The following WDR25 variants were observed in gnomAD, a reference collection of about 807,000 sequenced individuals.
WDR25 encodes WD repeat domain 25, also known as WD repeat-containing protein 25.
WDR25 carries 35 observed loss-of-function variants against 47.7 expected under a neutral mutation model. That is an observed-to-expected ratio of 0.73 (90% CI 0.56 to 0.97). The LOEUF (loss-of-function observed/expected upper bound fraction) is 0.97. Ranked by LOEUF, WDR25 falls within the 50% of genes least tolerant of loss-of-function variation. WDR25 has a pLI of 0.00. For missense variants in WDR25, 634 were observed against 704.7 expected, an observed-to-expected ratio of 0.90 and a Z score of 1.14; for synonymous variants, 248 against 278.9, an observed-to-expected ratio of 0.89 and a Z score of 1.10.
At chr14:100,441,205 A>G (rs1158235499) in intron 2 of WDR25, among the ~76,000 whole-genome samples, 1 of 152,164 alleles carries the variant, frequency 6.6e-6, no homozygotes, top group Non-Finnish European at 1.5e-5. Flanking sequence ...TTTACCACAC[A>G]GTCATCAAAC....
chr14:100,476,674 C>T (rs947683081), intron 3 of WDR25: 7 of 152,388 alleles, frequency 4.6e-5, no homozygotes, highest in South Asian at 2.1e-4. Flanking sequence ...TCTCTCACCT[C>T]GCTGAGCTTC....
At chr14:100,514,423 T>A (rs1366635330) in intron 4 of WDR25, among the ~76,000 whole-genome samples, 1 of 148,408 alleles carries the variant, frequency 6.7e-6, no homozygotes, top group Admixed American at 6.8e-5. Context: ...TACCTTGCTA[T>A]TTTTTTTTAT....
At chr14:100,453,931 T>C (rs532774604) in intron 2 of WDR25, among the ~76,000 whole-genome samples, 2 of 152,278 alleles carry the variant, frequency 1.3e-5, no homozygotes, top group Admixed American at 6.5e-5. Context: ...GAATTCTCTG[T>C]ATAATGAATG....
At chr14:100,413,355 C>T (rs551486521) in intron 2 of WDR25, among the ~76,000 whole-genome samples, 72 of 152,242 alleles carry the variant, frequency 4.7e-4, no homozygotes, top group African/African-American at 1.7e-3. Context: ...CCCCAGGCAG[C>T]CACAGATCTG....
chr14:100,498,079 A>C lies in WDR25; in HGVS notation c.1101+13955A>C, dbSNP rs112916228. ...TGTATGACTTTAGGAAAGTTTGTGC[A>C]ATTCAATTTGTGCCCCAACAAATAG... On this transcript the variant is annotated intron_variant, in intron 4 of 6. Coordinates refer to ENST00000402312, the MANE Select transcript of WDR25 (RefSeq NM_001161476.3). The surrounding 1 kb of genome is among the most constrained non-coding windows in gnomAD (Gnocchi z 4.2). Among the ~76,000 whole-genome samples, 4 of 152,226 alleles carry C rather than the reference A, an allele frequency of 2.6e-5. No individual in the cohort carries two copies.
At chr14:100,494,724 G>A (rs549118781) in intron 4 of WDR25, among the ~76,000 whole-genome samples, 1 of 152,330 alleles carries the variant, frequency 6.6e-6, no homozygotes, top group East Asian at 1.9e-4. Context: ...CACATAGAAG[G>A]CTAGAGGGGA....
At chr14:100,416,412 A>G (rs1276037838) in intron 2 of WDR25, among the ~76,000 whole-genome samples, 3 of 152,138 alleles carry the variant, frequency 2.0e-5, no homozygotes, top group African/African-American at 7.2e-5. Flanking sequence ...TGCAGCCCAA[A>G]CAGTACGGGA....
chr14:100,499,813 C>T lies in WDR25; in HGVS notation c.1101+15689C>T, dbSNP rs964925688. 2.6e-5 allele frequency among the ~76,000 whole-genome samples: 4 copies of T among 152,158 alleles called. No individual in the cohort carries two copies. The highest frequency in any genetic ancestry group is 9.7e-5 in the African/African-American group (4 of 41,426). ...GTGAAGTTCGCTGTGTTCTGCTTTG[C>T]TCCCAGTCCTTGCTAATCAGCCCAG... On this transcript the variant is annotated intron_variant, in intron 4 of 6. Coordinates refer to ENST00000402312, the MANE Select transcript of WDR25 (RefSeq NM_001161476.3). This position sits in a 1 kb window ranked among gnomAD's most constrained non-coding sequence, Gnocchi z 4.4.
At chr14:100,397,504 A>G (rs1276540338) in intron 2 of WDR25, among the ~76,000 whole-genome samples, 1 of 152,212 alleles carries the variant, frequency 6.6e-6, no homozygotes, top group Non-Finnish European at 1.5e-5. Flanking sequence ...AGAGATGAAT[A>G]TAGCCTTTCT....
At position 100,468,575 on chromosome 14, in the gene WDR25, A is replaced by G; in HGVS notation, c.970+407A>G. ...AGTCTGTGAGAAATGATTCCAGCTC[A>G]TAAGGAAAGTCTTCAAACGAGTTCT... On this transcript the variant is annotated intron_variant, in intron 3 of 6. Coordinates refer to ENST00000402312, the MANE Select transcript of WDR25 (RefSeq NM_001161476.3). The surrounding 1 kb of genome is among the most constrained non-coding windows in gnomAD (Gnocchi z 4.5). Among the ~76,000 whole-genome samples the G allele has an allele frequency of 6.6e-6, 1 of 152,250 alleles. No individual in the cohort carries two copies. The highest frequency in any genetic ancestry group is 2.1e-4 in the South Asian group (1 of 4,834).
rs1900971201 is a variant in WDR25 at position 100,502,729 on chromosome 14, A to G, written c.1101+18605A>G. ...CGTGATGGGAACTGCTTGGGGGCTA[A>G]TGAAAGACTCACAGAAGAAGGAGCT... On this transcript the variant is annotated intron_variant, in intron 4 of 6. Coordinates refer to ENST00000402312, the MANE Select transcript of WDR25 (RefSeq NM_001161476.3). This position sits in a 1 kb window ranked among gnomAD's most constrained non-coding sequence, Gnocchi z 4.5. Among the ~76,000 whole-genome samples, 1 of 152,204 alleles carries G rather than the reference A, an allele frequency of 6.6e-6. No homozygotes were observed. Among genetic ancestry groups the G allele is most frequent in the Non-Finnish European group, 1.5e-5 (1 of 68,034 alleles).
chr14:100,406,179 C>T (rs6575777), intron 2 of WDR25, among the ~76,000 whole-genome samples: 11,996 of 152,100 alleles, frequency 0.079, 1,451 homozygotes, highest in African/African-American at 0.26. Context: ...TTCCTTCTGA[C>T]GTTGATATGT....
chr14:100,377,292 A>AGTTGTTGTT lies in WDR25; in HGVS notation c.-16+810_-16+818dup, dbSNP rs56705876. ...GATGAGCTGGCTGGCTGGCTTTAGA[A>AGTTGTTGTT]GTTGTTGTTGTTGTTGTTGTTTTTT... is the stretch of plus-strand genomic sequence containing the variant. On this transcript the variant is annotated intron_variant, in intron 1 of 6. Coordinates refer to ENST00000402312, the MANE Select transcript of WDR25 (RefSeq NM_001161476.3). Among the ~76,000 whole-genome samples, 625 of 151,416 alleles carry AGTTGTTGTT rather than the reference A, an allele frequency of 4.1e-3. 16 individuals carry two copies. In the East Asian group the frequency reaches 0.07, roughly 17 times the overall value.
chr14:100,454,604 A>G (rs1899142599), intron 2 of WDR25: 1 of 472,246 alleles, frequency 2.1e-6, no homozygotes, highest in Non-Finnish European at 4.0e-6. Flanking sequence ...CCTCCAAAGA[A>G]GGAAATGGTA....
At position 100,502,731 on chromosome 14, in the gene WDR25, G is replaced by A. The variant is rs905554243; in HGVS notation, c.1101+18607G>A. Among the ~76,000 whole-genome samples the A allele has an allele frequency of 6.6e-6, 1 of 152,248 alleles. No individual in the cohort carries two copies. The highest frequency in any genetic ancestry group is 1.5e-5 in the Non-Finnish European group (1 of 68,052). ...TGATGGGAACTGCTTGGGGGCTAAT[G>A]AAAGACTCACAGAAGAAGGAGCTAA... On this transcript the variant is annotated intron_variant, in intron 4 of 6. Transcript: ENST00000402312. The surrounding 1 kb of genome is among the most constrained non-coding windows in gnomAD (Gnocchi z 4.5).
chr14:100,376,874 C>A, intron 1 of WDR25: 1 of 644,090 alleles, frequency 1.6e-6, no homozygotes, highest in Non-Finnish European at 2.1e-6. Flanking sequence ...TAGCATCTCC[C>A]CCTCCCACCC....
chr14:100,444,290 T>C (rs910094144), intron 2 of WDR25, among the ~76,000 whole-genome samples: 10 of 152,160 alleles, frequency 6.6e-5, no homozygotes, highest in Middle Eastern at 3.2e-3. Context: ...ACTTCGAAGG[T>C]AGCAGTTTGT....
At chr14:100,491,337 T>G (rs1900557926) in intron 4 of WDR25, among the ~76,000 whole-genome samples, 1 of 152,260 alleles carries the variant, frequency 6.6e-6, no homozygotes, top group Admixed American at 6.5e-5. Flanking sequence ...ACAGATCCTC[T>G]TGTTCACAGT....
intron 2 of WDR25, among the ~76,000 whole-genome samples, chr14:100,414,080 C>A (rs1314229658): frequency 6.6e-6 from 1 of 151,120 alleles, no homozygotes; most frequent in Non-Finnish European, 1.5e-5. Context: ...ACTGCAATCT[C>A]TGCCTCCTGG....
Sources: gnomAD v4.1 joint callset for allele counts (sites outside exome capture counted in the v4.1 genomes callset) on GRCh38, gnomAD v4.1.1 for gene constraint, Gnocchi (gnomAD v3.1) non-coding constraint, MANE v1.5 for transcripts, NCBI Gene and HGNC (gene_info 2026-07-23, HGNC 2026-07-21) for gene names.